The following STK33 variants were observed in gnomAD, a reference collection of about 807,000 sequenced individuals.
STK33 encodes the protein serine/threonine kinase 33.
STK33 carries 52 observed loss-of-function variants against 58.0 expected under a neutral mutation model. The observed-to-expected ratio is 0.90, with a 90% CI of 0.72 to 1.13. STK33 has a LOEUF of 1.13. Ranked by LOEUF, STK33 falls within the 50% of genes most tolerant of loss-of-function variation. The pLI, the probability that STK33 is intolerant of heterozygous loss-of-function variation, is 0.00. For missense variants in STK33, 630 were observed against 604.2 expected (o/e 1.04, Z -0.45); for synonymous variants, 215 against 200.1 (o/e 1.07, Z -0.63).
chr11:8,508,907 G>A (rs532947371), intron 1 of STK33, among the ~76,000 whole-genome samples: 141 of 152,100 alleles, frequency 9.3e-4, no homozygotes, highest in African/African-American at 3.3e-3. Flanking sequence ...ACCTGAGATC[G>A]AGAGTTCGAG....
the STK33 span, among the ~76,000 whole-genome samples, chr11:8,385,174 A>G: frequency 0.49 from 73,898 of 152,008 alleles, 18,476 homozygotes; most frequent in South Asian, 0.62. Context: ...ATTTCTCTCC[A>G]TCTTCTCTGC....
intron 8 of STK33, among the ~76,000 whole-genome samples, chr11:8,458,123 C>T (rs1242325748): frequency 2.0e-5 from 3 of 151,994 alleles, no homozygotes; most frequent in African/African-American, 7.3e-5. Flanking sequence ...TATGATATTA[C>T]CAATTGTGCA....
intron 15 of STK33, among the ~76,000 whole-genome samples, chr11:8,397,116 A>G (rs1389315242): frequency 6.6e-6 from 1 of 152,198 alleles, no homozygotes. Flanking sequence ...AAAGAGTAGT[A>G]GTTCTCCCAG....
chr11:8,398,366 T>A (rs1849750949), intron 15 of STK33, among the ~76,000 whole-genome samples: 1 of 152,188 alleles, frequency 6.6e-6, no homozygotes, highest in South Asian at 2.1e-4. Context: ...AAACTAAGTT[T>A]CATAAGTGAA....
the STK33 span, among the ~76,000 whole-genome samples, chr11:8,366,429 A>C: frequency 1.3e-5 from 2 of 152,184 alleles, no homozygotes; most frequent in African/African-American, 2.4e-5. Flanking sequence ...CCGGAGGGAA[A>C]GGAGGGACAA....
rs60439193 is a variant in STK33, at chr11:8,558,750, C to A, written c.-466+35333G>T. Among the ~76,000 whole-genome samples, 1,230 of 152,262 alleles carry A rather than the reference C, an allele frequency of 8.1e-3. 24 individuals carry two copies. The highest frequency in any genetic ancestry group is 0.027 in the African/African-American group (1,138 of 41,544). On this transcript the variant is annotated intron_variant, in intron 1 of 15. Transcript: ENST00000687296. ...ACTATGTGCTGTATTCTGTGTTCAC[C>A]TGGTGTTTCTTGCTGACAAAAATCA...
intron 1 of STK33, among the ~76,000 whole-genome samples, chr11:8,576,236 G>C (rs766013257): frequency 2.0e-5 from 3 of 152,094 alleles, no homozygotes; most frequent in Non-Finnish European, 4.4e-5. Flanking sequence ...CCCATGTCTG[G>C]GAAATGCGTT....
At chr11:8,345,723 G>C in the STK33 span, among the ~76,000 whole-genome samples, 1 of 152,224 alleles carries the variant, frequency 6.6e-6, no homozygotes, top group Non-Finnish European at 1.5e-5. Context: ...TCCCCACAGG[G>C]GAGTAGCATG....
chr11:8,490,366 G>A (rs1950518851), intron 1 of STK33, among the ~76,000 whole-genome samples: 1 of 152,180 alleles, frequency 6.6e-6, no homozygotes, highest in South Asian at 2.1e-4. Flanking sequence ...GGCAGGGGGA[G>A]GGGCGTCCAC....
At chr11:8,399,717 A>G (rs1177345093) in intron 15 of STK33, among the ~76,000 whole-genome samples, 1 of 152,158 alleles carries the variant, frequency 6.6e-6, no homozygotes, top group South Asian at 2.1e-4. Flanking sequence ...TTGATAGACC[A>G]CTAGCAAGAC....
chr11:8,578,522 C>T (rs1240086524), intron 1 of STK33, among the ~76,000 whole-genome samples: 1 of 151,458 alleles, frequency 6.6e-6, no homozygotes, highest in Non-Finnish European at 1.5e-5. Context: ...AGTATACTAC[C>T]ACTTGTATAA....
At chr11:8,588,975 C>T (rs1015845816) in intron 1 of STK33, among the ~76,000 whole-genome samples, 1 of 152,154 alleles carries the variant, frequency 6.6e-6, no homozygotes, top group Non-Finnish European at 1.5e-5. Flanking sequence ...TGAGATACCA[C>T]TTCACACATA....
intron 1 of STK33, among the ~76,000 whole-genome samples, chr11:8,571,628 T>C (rs1268072649): frequency 6.6e-6 from 1 of 152,002 alleles, no homozygotes; most frequent in African/African-American, 2.4e-5. Context: ...GGTCAGGAGA[T>C]CGAGACCATC....
chr11:8,522,890 T>C (rs1175635870), intron 1 of STK33, among the ~76,000 whole-genome samples: 1 of 152,118 alleles, frequency 6.6e-6, no homozygotes, highest in African/African-American at 2.4e-5. Flanking sequence ...GCAACCTCCC[T>C]GCCTGATTCT....
At chr11:8,337,410 G>A in the STK33 span, among the ~76,000 whole-genome samples, 1 of 152,130 alleles carries the variant, frequency 6.6e-6, no homozygotes, top group Admixed American at 6.6e-5. Flanking sequence ...TTCCCTGTGG[G>A]GCTGAGGAAG....
In STK33 at chr11:8,545,715, G is replaced by A. The variant is rs191451114; in HGVS notation, c.-466+48368C>T. Among the ~76,000 whole-genome samples, 941 of 152,246 alleles carry A rather than the reference G, an allele frequency of 6.2e-3. 8 individuals carry two copies. The highest frequency in any genetic ancestry group is 0.021 in the African/African-American group (879 of 41,552). ...ATAAAGGTCTAGTTAGGAAGGTAAG[G>A]TATGCCTAGAAATAACTTCAAAACA... On this transcript the variant is annotated intron_variant, in intron 1 of 15. Coordinates refer to ENST00000687296, the MANE Select transcript of STK33 (RefSeq NM_001352389.2).
At chr11:8,505,335 G>A (rs1951793549) in intron 1 of STK33, among the ~76,000 whole-genome samples, 1 of 152,122 alleles carries the variant, frequency 6.6e-6, no homozygotes, top group Admixed American at 6.5e-5. Context: ...AAGTTGGAAG[G>A]AGCCTTAGAA....
intron 11 of STK33, among the ~76,000 whole-genome samples, chr11:8,448,530 G>A (rs1245257009): frequency 3.3e-5 from 5 of 152,140 alleles, no homozygotes; most frequent in Non-Finnish European, 5.9e-5. Flanking sequence ...CAAGAAATGC[G>A]GAAACGATTC....
chr11:8,470,955 G>A (rs936361303), intron 6 of STK33, among the ~76,000 whole-genome samples: 6 of 152,200 alleles, frequency 3.9e-5, no homozygotes, highest in African/African-American at 1.4e-4. Context: ...GGCACAAAAT[G>A]AGCACATGCT....
Sources: allele counts gnomAD v4.1 joint callset (sites outside exome capture counted in the v4.1 genomes callset), GRCh38; gene constraint gnomAD v4.1.1; transcripts MANE v1.5; gene names NCBI Gene and HGNC (gene_info 2026-07-23, HGNC 2026-07-21).